The following STMN2 variants were observed in gnomAD, a reference collection of about 807,000 sequenced individuals.
STMN2 encodes stathmin 2, also known as stathmin-2.
In STMN2, 2 loss-of-function variants were observed where a neutral mutation model predicts 24.1. The observed-to-expected ratio is 0.08, with a 90% CI of 0.03 to 0.26. The LOEUF is 0.26. Among genes scored for constraint, STMN2 ranks in the 10% least tolerant of loss-of-function variants. The probability of loss-of-function intolerance (pLI) is 1.00; values close to 1 mark genes in which losing one functional copy is unlikely to be tolerated. For missense variants in STMN2, 114 were observed against 213.6 expected (o/e 0.53, Z 2.91); for synonymous variants, 83 against 77.5 (o/e 1.07, Z -0.37).
chr8:79,642,894 T>G (rs1461437633), intron 3 of STMN2, among the ~76,000 whole-genome samples: 3 of 148,962 alleles, frequency 2.0e-5, no homozygotes, highest in African/African-American at 7.3e-5. Context: ...ATATGAATTT[T>G]TATATATATA....
intron 4 of STMN2, among the ~76,000 whole-genome samples, chr8:79,658,684 C>A (rs1806433068): frequency 6.6e-6 from 1 of 152,186 alleles, no homozygotes; most frequent in Non-Finnish European, 1.5e-5. Flanking sequence ...AATCTGCCTA[C>A]CATTCAGCAC....
intron 1 of STMN2, among the ~76,000 whole-genome samples, chr8:79,623,883 A>AT (rs1437269671): frequency 1.3e-5 from 2 of 152,156 alleles, no homozygotes; most frequent in Admixed American, 6.5e-5. Context: ...TTGGTTGATG[A>AT]TTTTTTTAAA....
At chr8:79,631,733 T>A (rs1809805882) in intron 1 of STMN2, among the ~76,000 whole-genome samples, 1 of 152,178 alleles carries the variant, frequency 6.6e-6, no homozygotes, top group East Asian at 1.9e-4. Flanking sequence ...GATTTTTAAA[T>A]GGGATTACAT....
chr8:79,628,295 C>T (rs1809709092), intron 1 of STMN2, among the ~76,000 whole-genome samples: 1 of 152,026 alleles, frequency 6.6e-6, no homozygotes, highest in East Asian at 1.9e-4. Context: ...TCCTGAGTAG[C>T]TGGGATTACA....
chr8:79,645,236 G>A (rs1266837929), intron 3 of STMN2, among the ~76,000 whole-genome samples: 1 of 151,502 alleles, frequency 6.6e-6, no homozygotes, highest in Non-Finnish European at 1.5e-5. Context: ...TAAAATAAAA[G>A]AAATATGAAA....
At chr8:79,656,829 T>C (rs975949311) in intron 4 of STMN2, among the ~76,000 whole-genome samples, 1 of 152,184 alleles carries the variant, frequency 6.6e-6, no homozygotes, top group Non-Finnish European at 1.5e-5. Flanking sequence ...AGCATTTTTG[T>C]TTTTCAAATT....
chr8:79,653,811 C>T (rs778198292), intron 3 of STMN2, among the ~76,000 whole-genome samples: 2 of 152,052 alleles, frequency 1.3e-5, no homozygotes, highest in African/African-American at 4.8e-5. Context: ...AGAAATTATC[C>T]AGAAGCCATG....
At chr8:79,611,507 G>A (rs1022617365) in intron 1 of STMN2, among the ~76,000 whole-genome samples, 1 of 151,880 alleles carries the variant, frequency 6.6e-6, no homozygotes, top group Non-Finnish European at 1.5e-5. Context: ...CGTGAGGGGA[G>A]GAAGCTACCT....
At chr8:79,659,639 A>G (rs963359524) in intron 4 of STMN2, among the ~76,000 whole-genome samples, 21 of 152,242 alleles carry the variant, frequency 1.4e-4, no homozygotes, top group Non-Finnish European at 3.1e-4. Flanking sequence ...CATTTTAACA[A>G]CAATACATCT....
intron 1 of STMN2, among the ~76,000 whole-genome samples, chr8:79,617,143 CTG>C (rs1292230848): frequency 2.0e-5 from 3 of 152,098 alleles, no homozygotes; most frequent in Non-Finnish European, 4.4e-5. Flanking sequence ...TTGAGTATGA[CTG>C]TATATTTGAA....
intron 4 of STMN2, among the ~76,000 whole-genome samples, chr8:79,661,284 C>A (rs1408516114): frequency 6.6e-6 from 1 of 152,158 alleles, no homozygotes; most frequent in Non-Finnish European, 1.5e-5. Flanking sequence ...TCATCACACC[C>A]ATGCCAACAC....
intron 1 of STMN2, chr8:79,613,405 C>T (rs1328988540): frequency 2.0e-6 from 2 of 985,340 alleles, no homozygotes; most frequent in African/African-American, 3.5e-5. Context: ...CGCTCGCCCC[C>T]GCGGTGCAGC....
chr8:79,658,404 A>G (rs758623510), intron 4 of STMN2, among the ~76,000 whole-genome samples: 2 of 152,246 alleles, frequency 1.3e-5, no homozygotes, highest in Non-Finnish European at 2.9e-5. Context: ...CTATATGCTT[A>G]GGAACCTTTG....
chr8:79,615,099 A>G (rs1216529819), intron 1 of STMN2, among the ~76,000 whole-genome samples: 1 of 152,268 alleles, frequency 6.6e-6, no homozygotes, highest in Non-Finnish European at 1.5e-5. Flanking sequence ...ACCTAGCAGT[A>G]GCTATCAAAC....
At chr8:79,614,978 T>A (rs986511332) in intron 1 of STMN2, among the ~76,000 whole-genome samples, 1 of 152,242 alleles carries the variant, frequency 6.6e-6, no homozygotes, top group Non-Finnish European at 1.5e-5. Context: ...GAGGCTACAA[T>A]TTACTCAGAT....
At chr8:79,645,852 G>A (rs1810205855) in intron 3 of STMN2, among the ~76,000 whole-genome samples, 1 of 152,040 alleles carries the variant, frequency 6.6e-6, no homozygotes, top group South Asian at 2.1e-4. Context: ...AGCACAATTA[G>A]TAAGTAATTA....
chr8:79,630,035 A>G (rs1053511291), intron 1 of STMN2, among the ~76,000 whole-genome samples: 6 of 152,194 alleles, frequency 3.9e-5, no homozygotes, highest in African/African-American at 1.4e-4. Context: ...AAATCATGAT[A>G]TAACTAATAG....
At chr8:79,653,050 A>G (rs1259420834) in intron 3 of STMN2, among the ~76,000 whole-genome samples, 1 of 152,146 alleles carries the variant, frequency 6.6e-6, no homozygotes, top group East Asian at 1.9e-4. Context: ...CCTGAAACCA[A>G]TACAAAGTAA....
At chr8:79,657,072 C>G (rs932894313) in intron 4 of STMN2, among the ~76,000 whole-genome samples, 2 of 152,120 alleles carry the variant, frequency 1.3e-5, no homozygotes, top group African/African-American at 4.8e-5. Flanking sequence ...CAGGGTTTTG[C>G]CGTGTTGGCC....
Sources: gnomAD v4.1 joint callset for allele counts (sites outside exome capture counted in the v4.1 genomes callset) on GRCh38, gnomAD v4.1.1 for gene constraint, MANE v1.5 for transcripts, NCBI Gene and HGNC (gene_info 2026-07-23, HGNC 2026-07-21) for gene names.